The following PROS1 variants were observed in gnomAD, a reference collection of about 807,000 sequenced individuals.
PROS1 encodes the protein protein S, also known as vitamin K-dependent protein S.
In PROS1, 29 loss-of-function variants were observed where a neutral mutation model predicts 75.9. The ratio of observed to expected loss-of-function variants is 0.38; its 90% CI spans 0.28 to 0.52. The LOEUF (loss-of-function observed/expected upper bound fraction) is 0.52, where lower values mean the gene tolerates loss of function less well. Among genes scored for constraint, PROS1 ranks in the 20% least tolerant of loss-of-function variants. PROS1 has a pLI of 0.83. For synonymous variants in PROS1, 245 were observed against 280.6 expected, an observed-to-expected ratio of 0.87 and a Z score of 1.27; for missense variants, 680 against 810.3, an observed-to-expected ratio of 0.84 and a Z score of 1.95.
At chr3:93,948,428 T>C (rs1326674989) in intron 1 of PROS1, among the ~76,000 whole-genome samples, 1 of 152,214 alleles carries the variant, frequency 6.6e-6, no homozygotes, top group East Asian at 1.9e-4. Flanking sequence ...TTAGGTCTGC[T>C]TGGTGCAGAG....
chr3:93,908,978 C>A (rs1708715691), intron 4 of PROS1, among the ~76,000 whole-genome samples: 1 of 151,862 alleles, frequency 6.6e-6, no homozygotes, highest in South Asian at 2.1e-4. Flanking sequence ...GTATACTGAC[C>A]CAAAAGAAAC....
intron 12 of PROS1, among the ~76,000 whole-genome samples, chr3:93,882,133 G>GA (rs1227920051): frequency 6.6e-6 from 1 of 151,940 alleles, no homozygotes; most frequent in Non-Finnish European, 1.5e-5. Context: ...TATCAGATTG[G>GA]AAAAAAACTA....
intron 1 of PROS1, among the ~76,000 whole-genome samples, chr3:93,953,529 T>A (rs878867978): frequency 6.6e-6 from 1 of 152,070 alleles, no homozygotes; most frequent in Non-Finnish European, 1.5e-5. Flanking sequence ...ATTCAACAGC[T>A]CTTCATGCTA....
chr3:93,960,167 C>A (rs548843340), intron 1 of PROS1, among the ~76,000 whole-genome samples: 26 of 149,638 alleles, frequency 1.7e-4, no homozygotes, highest in African/African-American at 5.1e-4. Flanking sequence ...AGCAGAAGTG[C>A]GTTTGTCACT....
At chr3:93,936,537 A>G (rs948270030) in intron 1 of PROS1, among the ~76,000 whole-genome samples, 1 of 152,174 alleles carries the variant, frequency 6.6e-6, no homozygotes, top group African/African-American at 2.4e-5. Flanking sequence ...TCCCCTGTGC[A>G]CACACCAAAG....
intron 1 of PROS1, among the ~76,000 whole-genome samples, chr3:93,963,187 T>C (rs8178590): frequency 6.7e-4 from 102 of 152,332 alleles, no homozygotes; most frequent in African/African-American, 2.4e-3. Flanking sequence ...GAGAAACTGC[T>C]CTTGGGTTTT....
At chr3:93,895,051 A>G (rs1238107908) in intron 9 of PROS1, among the ~76,000 whole-genome samples, 1 of 152,184 alleles carries the variant, frequency 6.6e-6, no homozygotes, top group Non-Finnish European at 1.5e-5. Flanking sequence ...AGAATGGCAT[A>G]GTATTTGCAT....
intron 4 of PROS1, among the ~76,000 whole-genome samples, chr3:93,907,556 G>T (rs1384823759): frequency 2.6e-5 from 4 of 152,164 alleles, no homozygotes; most frequent in African/African-American, 9.7e-5. Context: ...ACAGAGATGA[G>T]CTACCCACTG....
Position 93,973,315 on chromosome 3 carries a change from T to C in PROS1, c.76+359A>G, listed in dbSNP as rs372323008. On this transcript the variant is annotated intron_variant, in intron 1 of 14. Coordinates refer to ENST00000394236, the MANE Select transcript of PROS1 (RefSeq NM_000313.4). Reference sequence around the variant, plus strand: ...TGGACAAAGGGAAGACACAGTGTGTTACCTTTTCTTCCCTACTCATAAGCT... The same window carrying C: ...TGGACAAAGGGAAGACACAGTGTGTCACCTTTTCTTCCCTACTCATAAGCT... 2.0e-5 allele frequency among the ~76,000 whole-genome samples: 3 copies of C among 152,282 alleles called. No homozygotes were observed. The East Asian group carries it at 5.8e-4, about 29-fold the overall frequency.
rs34147087 is a variant in PROS1, at chr3:93,876,588, C to CAAA, written c.1870+375_1870+377dup. Among the ~76,000 whole-genome samples, 202 of 34,930 alleles carry CAAA rather than the reference C, an allele frequency of 5.8e-3. 1 individual carries two copies. The highest frequency in any genetic ancestry group is 0.05 in the Middle Eastern group (1 of 20). 22.9% of individuals were successfully genotyped at this position (34,930 alleles called of 152,430 possible). A position where few individuals can be genotyped will look rare whatever the true frequency, so the allele number is the denominator to read the frequency against. On this transcript the variant is annotated intron_variant, in intron 14 of 14. Transcript: ENST00000394236. ...TGGGCGACAGAGCCAGACTCCATCTCAAAAAAAAAAAAAAAAAAAAAAAAA... is the reference window on the plus strand; with the variant it reads ...TGGGCGACAGAGCCAGACTCCATCTCAAAAAAAAAAAAAAAAAAAAAAAAAAAA...
intron 1 of PROS1, among the ~76,000 whole-genome samples, chr3:93,970,936 T>C (rs1418933375): frequency 1.3e-5 from 2 of 152,102 alleles, no homozygotes; most frequent in Non-Finnish European, 2.9e-5. Flanking sequence ...AGTTCAAAGC[T>C]GTAGTGCCCT....
At chr3:93,900,722 A>G (rs1347264677) in intron 7 of PROS1, 82 bp downstream of exon 7, 2 of 1,579,196 alleles carry the variant, frequency 1.3e-6, no homozygotes. Context: ...TTGATGTCAA[A>G]CAAAGCCAAT....
intron 9 of PROS1, among the ~76,000 whole-genome samples, chr3:93,894,392 C>T (rs1255751057): frequency 2.0e-5 from 3 of 152,192 alleles, no homozygotes; most frequent in South Asian, 4.1e-4. Flanking sequence ...AACAATTTTG[C>T]TTGGAATAAG....
rs555916582 is a variant in PROS1, at chr3:93,921,266, G to A, written c.259+2974C>T. On this transcript the variant is annotated intron_variant, in intron 3 of 14. Transcript: ENST00000394236. ...ATTATTTTTAACACACTTAAGATCG[G>A]ACTGAATATCATTTTATTTAGAATT... Among the ~76,000 whole-genome samples the A allele has an allele frequency of 5.3e-5, 8 of 152,292 alleles. No homozygotes were observed. The South Asian group carries it at 1.7e-3, about 32-fold the overall frequency.
intron 1 of PROS1, among the ~76,000 whole-genome samples, chr3:93,935,388 G>T (rs1384427058): frequency 2.6e-5 from 4 of 152,156 alleles, no homozygotes; most frequent in Non-Finnish European, 5.9e-5. Context: ...CATGCACCAA[G>T]AAGTTACTGC....
At chr3:93,933,411 C>T (rs1172801738) in intron 1 of PROS1, among the ~76,000 whole-genome samples, 1 of 151,874 alleles carries the variant, frequency 6.6e-6, no homozygotes, top group Non-Finnish European at 1.5e-5. Flanking sequence ...ACCATCTCTA[C>T]AAAAAATTTA....
intron 11 of PROS1, among the ~76,000 whole-genome samples, chr3:93,885,508 G>A (rs1708333343): frequency 6.6e-6 from 1 of 151,960 alleles, no homozygotes; most frequent in South Asian, 2.1e-4. Flanking sequence ...TTACAGGTGT[G>A]AACCACCACG....
In PROS1 at chr3:93,879,284, A is replaced by G. The variant is rs773328733; in HGVS notation, c.1523T>C (p.Val508Ala). The G allele has an allele frequency of 5.0e-6, 8 of 1,614,090 alleles. No homozygotes were observed. In the South Asian group the frequency reaches 8.8e-5, roughly 18 times the overall value. Residue 508 changes from valine (V) to alanine (A), a missense_variant, in exon 13 of 15, where the codon GTA (valine) becomes GCA (alanine). Val to Ala is a moderately conservative substitution (Grantham distance 64). Coordinates refer to ENST00000394236, the MANE Select transcript of PROS1 (RefSeq NM_000313.4). ...NNVSSAEGWH[V>A]NVTLNIRPST... The stretch of plus-strand genomic sequence containing the variant: ...TGGACGAATATTCAAGGTCACATTT[A>G]CATGCCAACCCTCAGCACTGGATAC...
chr3:93,943,193 C>T (rs773690231), intron 1 of PROS1, among the ~76,000 whole-genome samples: 14 of 152,172 alleles, frequency 9.2e-5, no homozygotes, highest in South Asian at 2.1e-4. Flanking sequence ...AAAGATAGAA[C>T]GGACTAATGA....
Sources: gnomAD v4.1 joint callset for allele counts (sites outside exome capture counted in the v4.1 genomes callset) on GRCh38, gnomAD v4.1.1 for gene constraint, MANE v1.5 for transcripts, NCBI Gene and HGNC (gene_info 2026-07-23, HGNC 2026-07-21) for gene names.